The following NOD2 variants were observed in gnomAD, a reference collection of about 807,000 sequenced individuals.
NOD2 encodes nucleotide binding oligomerization domain containing 2, also known as nucleotide-binding oligomerization domain-containing protein 2.
NOD2 carries 86 observed loss-of-function variants against 90.9 expected under a neutral mutation model. The ratio of observed to expected loss-of-function variants is 0.95; its 90% CI spans 0.79 to 1.13. The LOEUF is 1.13. Among genes scored for constraint, NOD2 ranks in the 50% most tolerant of loss-of-function variants. The pLI is 0.00. For missense variants in NOD2, 1,238 were observed against 1,283.8 expected, an observed-to-expected ratio of 0.96 and a Z score of 0.55; for synonymous variants, 581 against 554.6, an observed-to-expected ratio of 1.05 and a Z score of -0.67.
At chr16:50,720,036 T>C (rs780241868) in intron 7 of NOD2, 28 bp downstream of exon 7, 16 of 1,595,558 alleles carry the variant, frequency 1.0e-5, no homozygotes, top group Admixed American at 5.0e-5. Context: ...AAGAGGGACC[T>C]GCATGGAGGG....
intron 6 of NOD2, chr16:50,719,686 G>A (rs1391292076): frequency 1.5e-6 from 1 of 651,108 alleles, no homozygotes; most frequent in African/African-American, 1.8e-5. Context: ...CTCCTGCCTG[G>A]AATTGTCACA....
chr16:50,710,066 C>T (rs937486853), intron 3 of NOD2: 1 of 452,526 alleles, frequency 2.2e-6, no homozygotes, highest in African/African-American at 2.0e-5. Flanking sequence ...GCCCTTTGTT[C>T]CCCTTTAGAA....
intron 1 of NOD2, among the ~76,000 whole-genome samples, chr16:50,695,084 T>G (rs1329595677): frequency 1.3e-5 from 2 of 150,842 alleles, no homozygotes; most frequent in Non-Finnish European, 2.9e-5. Context: ...GAGCACGGGT[T>G]TGGAACAGAG....
chr16:50,699,147 A>G (rs1195169185), intron 1 of NOD2, among the ~76,000 whole-genome samples: 1 of 152,082 alleles, frequency 6.6e-6, no homozygotes, highest in Non-Finnish European at 1.5e-5. Context: ...GGGCTGGTCT[A>G]GCGCTCCTGA....
In NOD2 at chr16:50,729,845, A is replaced by C. The variant is rs779300338; in HGVS notation, c.2913A>C (p.Leu971=). The C allele has an allele frequency of 6.2e-7, 1 of 1,613,118 alleles. No homozygotes were observed. Among genetic ancestry groups the C allele is most frequent in the Non-Finnish European group, 8.5e-7 (1 of 1,179,220 alleles). The change falls in exon 11 of 12, where the codon CTA becomes CTC. Residue 971 remains leucine, a synonymous_variant. Coordinates refer to ENST00000647318, the MANE Select transcript of NOD2 (RefSeq NM_001370466.1). ...LKLSNNCITY[L]GAEALLQALE... ...TGTCCAATAACTGCATCACCTACCT[A>C]GGGGCAGAAGCCCTCCTGCAGGCCC...
intron 1 of NOD2, among the ~76,000 whole-genome samples, chr16:50,694,535 G>T (rs1374716521): frequency 6.6e-6 from 1 of 152,158 alleles, no homozygotes; most frequent in Admixed American, 6.5e-5. Context: ...TCCTCATCCA[G>T]CCCACCTCCC....
chr16:50,701,505 A>G (rs745806602), intron 2 of NOD2, among the ~76,000 whole-genome samples: 4 of 152,274 alleles, frequency 2.6e-5, no homozygotes, highest in Non-Finnish European at 5.9e-5. Context: ...GAAGTGGTGC[A>G]GTCCTCTCTG....
In NOD2 at chr16:50,725,358, T is replaced by A. The variant is rs4990643; in HGVS notation, c.2802-131T>A. On this transcript the variant is annotated intron_variant, in intron 9 of 11. Transcript: ENST00000647318. ...GGAATTGAGAATCCCCACAACGTAC[T>A]TTATCTGTTCTTTCTTTATCCATGA... 0.36 allele frequency: 257,599 copies of A among 723,338 alleles called. 49,394 individuals are homozygous for A. Among genetic ancestry groups the A allele is most frequent in the Non-Finnish European group, 0.4 (161,154 of 399,836 alleles). The allele number at this position is 723,338 out of a possible 1,614,324, so 44.8% of individuals were successfully genotyped here. A position where few individuals can be genotyped will look rare whatever the true frequency, so the allele number is the denominator to read the frequency against.
intron 7 of NOD2, among the ~76,000 whole-genome samples, chr16:50,720,515 C>T (rs1490146255): frequency 1.3e-5 from 2 of 152,156 alleles, no homozygotes; most frequent in Admixed American, 6.5e-5. Context: ...CTAGGTCCCT[C>T]GGAGCTCTTG....
At chr16:50,720,589 T>C (rs574010540) in intron 7 of NOD2, among the ~76,000 whole-genome samples, 1 of 152,228 alleles carries the variant, frequency 6.6e-6, no homozygotes, top group African/African-American at 2.4e-5. Context: ...AGCCCCAGGG[T>C]GGGCTTCCTC....
At position 50,712,177 on chromosome 16, in the gene NOD2, C is replaced by T. The variant is rs376201089; in HGVS notation, c.2185C>T (p.Arg729Trp). 43 of 1,613,838 alleles carry T rather than the reference C, an allele frequency of 2.7e-5. No homozygotes were observed. The highest frequency in any genetic ancestry group is 8.8e-5 in the South Asian group (8 of 91,090). The change falls in exon 4 of 12, where the codon CGG becomes TGG. Residue 729 changes from arginine to tryptophan, a missense_variant. Coordinates refer to ENST00000647318, the MANE Select transcript of NOD2 (RefSeq NM_001370466.1). Reference protein sequence around the residue: ...LYEMQEERLARKAARGLNVGH... With the variant: ...LYEMQEERLAWKAARGLNVGH... ...CGAGATGCAGGAGGAGCGGCTGGCT[C>T]GGAAGGCTGCACGTGGCCTGAATGT...
At chr16:50,709,096 A>T (rs1344200490) in intron 3 of NOD2, among the ~76,000 whole-genome samples, 3 of 152,050 alleles carry the variant, frequency 2.0e-5, no homozygotes, top group African/African-American at 7.2e-5. Context: ...TGACTGGAAA[A>T]CCTGCATCAG....
intron 3 of NOD2, among the ~76,000 whole-genome samples, chr16:50,708,903 G>A (rs1964327419): frequency 1.3e-5 from 2 of 152,236 alleles, no homozygotes; most frequent in African/African-American, 2.4e-5. Flanking sequence ...GCGCGGCACG[G>A]AGTGCAGGCC....
chr16:50,713,019 G>A (rs1202826264), intron 4 of NOD2: 1 of 156,920 alleles, frequency 6.4e-6, no homozygotes, highest in East Asian at 1.9e-4. Context: ...TACCCGTATT[G>A]CTTAGAGCCC....
In NOD2 at chr16:50,711,880, A is replaced by G. The variant is rs150236752; in HGVS notation, c.1888A>G (p.Ser630Gly). The change falls in exon 4 of 12, where the codon AGC (serine) becomes GGC (glycine). Residue 630 changes from serine (S) to glycine (G), a missense_variant. This residue lies in a region of NOD2 where 667 missense variants were observed against 688.7 expected (regional missense o/e 0.97). Transcript: ENST00000647318. ...CATCCAGGCCTCGGAGGGAAAGGACAGCAGCGTGGCAGCTTTGCTGCAGAA... is the reference window on the plus strand; with the variant it reads ...CATCCAGGCCTCGGAGGGAAAGGACGGCAGCGTGGCAGCTTTGCTGCAGAA... ...MCIQASEGKD[S>G]SVAALLQKAE... is the part of the protein sequence containing the mutation. 32 of 1,609,640 alleles carry G rather than the reference A, an allele frequency of 2.0e-5. No individual in the cohort carries two copies. In the African/African-American group the frequency reaches 3.1e-4, roughly 15 times the overall value.
chr16:50,722,685 C>G lies in NOD2; in HGVS notation c.2697C>G (p.His899Gln), dbSNP rs1242042498. 1.2e-6 allele frequency: 2 copies of G among 1,614,228 alleles called. No homozygotes were observed. Among genetic ancestry groups the G allele is most frequent in the Non-Finnish European group, 1.7e-6 (2 of 1,180,028 alleles). ...CCCTGGCTGAAGCCTTGGGTGATCA[C>G]CAGAGCTTGAGGTGGCTCAGGTAAG... ...AQALAEALGD[H>Q]QSLRWLSLVG... Residue 899 changes from histidine to glutamine, a missense_variant, in exon 8 of 12, where the codon CAC (histidine) becomes CAG (glutamine). By Grantham distance (24) the His-to-Gln change is conservative. Around this residue, in one of 3 missense-constraint regions of NOD2, gnomAD observed 667 missense variants for 688.7 expected, o/e 0.97. Transcript: ENST00000647318.
intron 10 of NOD2, chr16:50,728,931 G>C (rs753467317): frequency 6.5e-6 from 1 of 152,998 alleles, no homozygotes; most frequent in Non-Finnish European, 1.5e-5. Flanking sequence ...ATTAAGTACT[G>C]TATTAGTCCG....
At chr16:50,704,677 G>T (rs2150793604) in intron 2 of NOD2, among the ~76,000 whole-genome samples, 1 of 152,120 alleles carries the variant, frequency 6.6e-6, no homozygotes, top group East Asian at 1.9e-4. Context: ...GGGATTACAG[G>T]CACCCACCAC....
chr16:50,707,565 G>T (rs2150800383), intron 2 of NOD2, among the ~76,000 whole-genome samples: 1 of 152,320 alleles, frequency 6.6e-6, no homozygotes, highest in African/African-American at 2.4e-5. Context: ...ACAGCCTGCA[G>T]AATCATTTTC....
Sources: gnomAD v4.1 joint callset for allele counts (sites outside exome capture counted in the v4.1 genomes callset) on GRCh38, gnomAD v4.1.1 for gene constraint, gnomAD v4.1.1 regional missense constraint, MANE v1.5 for transcripts, NCBI Gene and HGNC (gene_info 2026-07-23, HGNC 2026-07-21) for gene names.